Variants in RPTOR observed in about 807,000 individuals in gnomAD.
RPTOR encodes regulatory-associated protein of mTOR.
Under a neutral mutation model 169.9 loss-of-function variants are expected in RPTOR, and 21 were observed. The ratio of observed to expected loss-of-function variants is 0.12; its 90% CI spans 0.09 to 0.18. The LOEUF is 0.18. RPTOR is among the 10% of genes least tolerant of loss of function. The pLI, the probability that RPTOR is intolerant of heterozygous loss-of-function variation, is 1.00. For synonymous variants in RPTOR, 732 were observed against 753.2 expected (o/e 0.97, Z 0.46); for missense variants, 1,133 against 1,855.9 (o/e 0.61, Z 7.16).
chr17:80,732,695 A>G (rs956643670), intron 5 of RPTOR, among the ~76,000 whole-genome samples: 3 of 152,196 alleles, frequency 2.0e-5, no homozygotes, highest in Non-Finnish European at 4.4e-5. Flanking sequence ...ATTATTGGCT[A>G]TTGTTCACTT....
intron 1 of RPTOR, among the ~76,000 whole-genome samples, chr17:80,588,255 CG>C (rs2035182761): frequency 6.6e-6 from 1 of 151,478 alleles, no homozygotes; most frequent in African/African-American, 2.4e-5. Context: ...CTCCGCCTCT[CG>C]GGGTCAGGCA....
intron 1 of RPTOR, among the ~76,000 whole-genome samples, chr17:80,589,137 TC>T (rs1386336325): frequency 1.4e-4 from 21 of 152,244 alleles, no homozygotes; most frequent in African/African-American, 3.9e-4. Flanking sequence ...CTATGGCCCA[TC>T]CGGCATTGGC....
In RPTOR at chr17:80,721,242, T is replaced by A. The variant is rs1019404445; in HGVS notation, c.508-9318T>A. On this transcript the variant is annotated intron_variant, in intron 4 of 33. Transcript: ENST00000306801. This position sits in a 1 kb window ranked among gnomAD's most constrained non-coding sequence, Gnocchi z 4.7. ...GTTCCAGTGCTCTGTCATCCTGGGG[T>A]CAGTAGGATGAAAGATGTCGTAGCA... Among the ~76,000 whole-genome samples the A allele has an allele frequency of 6.6e-6, 1 of 150,838 alleles. No individual in the cohort carries two copies. The highest frequency in any genetic ancestry group is 6.6e-5 in the Admixed American group (1 of 15,212).
intron 24 of RPTOR, among the ~76,000 whole-genome samples, chr17:80,930,418 C>CTTCAG (rs2068877724): frequency 3.6e-5 from 1 of 27,926 alleles, no homozygotes; most frequent in Non-Finnish European, 7.1e-5. Flanking sequence ...CCCAGCTCAT[C>CTTCAG]CTCAGCTCAT....
chr17:80,613,553 G>C (rs113120561), intron 1 of RPTOR, among the ~76,000 whole-genome samples: 4 of 152,240 alleles, frequency 2.6e-5, no homozygotes, highest in African/African-American at 9.6e-5. Flanking sequence ...ACAGGACACA[G>C]GTGCTGTCTA....
intron 2 of RPTOR, among the ~76,000 whole-genome samples, chr17:80,634,295 G>C (rs895568845): frequency 7.0e-5 from 10 of 142,728 alleles, no homozygotes; most frequent in Non-Finnish European, 1.3e-4. Flanking sequence ...TGTGCGTACT[G>C]TGTGTGTGCG....
chr17:80,755,878 G>T (rs2066676290), intron 6 of RPTOR, among the ~76,000 whole-genome samples: 1 of 152,124 alleles, frequency 6.6e-6, no homozygotes, highest in Non-Finnish European at 1.5e-5. Context: ...TAGCCTGAAA[G>T]GGCCACTGTC....
chr17:80,893,476 C>T lies in RPTOR; in HGVS notation c.2243-231C>T, dbSNP rs4555209. On this transcript the variant is annotated intron_variant, in intron 19 of 33. Coordinates refer to ENST00000306801, the MANE Select transcript of RPTOR (RefSeq NM_020761.3). ...GTATACGCGCCAGGTTGTGTCTGTACGCGCCAGGGTGTGTGCGCCAGGGTG... is the reference window on the plus strand; with the variant it reads ...GTATACGCGCCAGGTTGTGTCTGTATGCGCCAGGGTGTGTGCGCCAGGGTG... Among the ~76,000 whole-genome samples the T allele has an allele frequency of 4.8e-4, 33 of 69,176 alleles. 1 individual carries two copies. Among genetic ancestry groups the T allele is most frequent in the East Asian group, 3.2e-3 (7 of 2,174 alleles). The allele number at this position is 69,176 out of a possible 152,430, so 45.4% of individuals were successfully genotyped here.
intron 3 of RPTOR, among the ~76,000 whole-genome samples, chr17:80,693,450 A>C (rs1259570916): frequency 6.6e-6 from 1 of 152,274 alleles, no homozygotes; most frequent in Non-Finnish European, 1.5e-5. Flanking sequence ...ACTTTGAATA[A>C]TAAACCAGCT....
Position 80,545,612 on chromosome 17 carries a change from C to A in RPTOR, c.-18C>A. On this transcript the variant is annotated 5_prime_UTR_variant, in exon 1 of 34. Coordinates refer to ENST00000306801, the MANE Select transcript of RPTOR (RefSeq NM_020761.3). Reference sequence around the variant, plus strand: ...CGAGCGCTTGCTGCCAAGGACTCCCCCACCCCCTCCCCCACTGATGGAGTC... The same window carrying A: ...CGAGCGCTTGCTGCCAAGGACTCCCACACCCCCTCCCCCACTGATGGAGTC... 1.9e-6 allele frequency: 3 copies of A among 1,596,396 alleles called. No homozygotes were observed. Among genetic ancestry groups the A allele is most frequent in the Non-Finnish European group, 2.6e-6 (3 of 1,170,410 alleles).
chr17:80,770,018 T>G (rs1238155060), intron 6 of RPTOR, among the ~76,000 whole-genome samples: 1 of 152,144 alleles, frequency 6.6e-6, no homozygotes, highest in African/African-American at 2.4e-5. Flanking sequence ...AACAGGGTAA[T>G]TTATAAAGAA....
At chr17:80,952,587 G>A (rs2069193455) in intron 28 of RPTOR, among the ~76,000 whole-genome samples, 1 of 152,266 alleles carries the variant, frequency 6.6e-6, no homozygotes, top group South Asian at 2.1e-4. Flanking sequence ...TCACCCCTGA[G>A]ACTGGTGCTT....
intron 2 of RPTOR, among the ~76,000 whole-genome samples, chr17:80,636,913 C>T (rs534758889): frequency 6.6e-5 from 10 of 152,348 alleles, no homozygotes; most frequent in Admixed American, 6.5e-4. Context: ...CACTGCCGGG[C>T]ATGTAGCCTT....
chr17:80,607,108 CT>C (rs980404595), intron 1 of RPTOR, among the ~76,000 whole-genome samples: 3 of 149,844 alleles, frequency 2.0e-5, no homozygotes, highest in Admixed American at 6.7e-5. Context: ...CATCCTTCAA[CT>C]TTTTTTTTTG....
At chr17:80,639,630 G>C (rs542258152) in intron 2 of RPTOR, among the ~76,000 whole-genome samples, 1 of 152,172 alleles carries the variant, frequency 6.6e-6, no homozygotes, top group South Asian at 2.1e-4. Flanking sequence ...TCATCTTCAG[G>C]GTGGACTGAG....
intron 3 of RPTOR, among the ~76,000 whole-genome samples, chr17:80,660,809 C>T (rs1164437153): frequency 6.6e-6 from 1 of 152,160 alleles, no homozygotes; most frequent in Non-Finnish European, 1.5e-5. Context: ...TTGGTCCCCC[C>T]ATTCCCATCG....
intron 12 of RPTOR, among the ~76,000 whole-genome samples, chr17:80,857,523 C>T (rs1392395194): frequency 1.3e-5 from 2 of 152,212 alleles, no homozygotes; most frequent in African/African-American, 4.8e-5. Context: ...AAGCAGCCTG[C>T]GCCTCCACAA....
rs1319012637 is a variant in RPTOR at position 80,633,410 on chromosome 17, G to T, written c.265+7617G>T. Among the ~76,000 whole-genome samples, 1 of 152,232 alleles carries T rather than the reference G, an allele frequency of 6.6e-6. No homozygotes were observed. The highest frequency in any genetic ancestry group is 1.5e-5 in the Non-Finnish European group (1 of 68,054). ...CGCCATCCTAACTTCCTCTCACTCAGTCTGAAGCAGTTCCACAGGCATTCC... is the reference window on the plus strand; with the variant it reads ...CGCCATCCTAACTTCCTCTCACTCATTCTGAAGCAGTTCCACAGGCATTCC... On this transcript the variant is annotated intron_variant, in intron 2 of 33. Transcript: ENST00000306801. The surrounding 1 kb of genome is among the most constrained non-coding windows in gnomAD (Gnocchi z 4.1).
chr17:80,827,703 G>A (rs929340230), intron 9 of RPTOR, among the ~76,000 whole-genome samples: 2 of 152,152 alleles, frequency 1.3e-5, no homozygotes, highest in Non-Finnish European at 2.9e-5. Flanking sequence ...AAGTCGCAGA[G>A]CCCAGGGAGC....
Sources: gnomAD v4.1 joint callset for allele counts (sites outside exome capture counted in the v4.1 genomes callset) on GRCh38, gnomAD v4.1.1 for gene constraint, Gnocchi (gnomAD v3.1) non-coding constraint, MANE v1.5 for transcripts, NCBI Gene and HGNC (gene_info 2026-07-23, HGNC 2026-07-21) for gene names.